Variants in HIBCH observed in about 807,000 individuals in gnomAD.
The protein encoded by HIBCH is 3-hydroxyisobutyryl-CoA hydrolase, also known as 3-hydroxyisobutyryl-CoA hydrolase, mitochondrial.
HIBCH carries 50 observed loss-of-function variants against 58.2 expected under a neutral mutation model. The ratio of observed to expected loss-of-function variants is 0.86; its 90% CI spans 0.68 to 1.09. HIBCH has a LOEUF of 1.09. HIBCH is among the 50% of genes least tolerant of loss of function. The pLI, the probability that HIBCH is intolerant of heterozygous loss-of-function variation, is 0.00. For missense variants in HIBCH, 450 were observed against 449.7 expected, an observed-to-expected ratio of 1.00 and a Z score of -0.01; for synonymous variants, 151 against 146.9, an observed-to-expected ratio of 1.03 and a Z score of -0.20.
At chr2:190,201,742 T>C (rs1215503737), downstream of HIBCH, 1 of 167,032 alleles carries the variant, frequency 6.0e-6, no homozygotes, top group South Asian at 2.1e-4. Flanking sequence ...TACTGTCCCA[T>C]TGTACTTGCA....
chr2:190,190,761 TA>T (rs1411706175), intron 1 of HIBCH, among the ~76,000 whole-genome samples: 7 of 152,228 alleles, frequency 4.6e-5, no homozygotes, highest in African/African-American at 1.7e-4. Flanking sequence ...ATTGTGGTTT[TA>T]AAAAATACCT....
At chr2:190,213,447 C>T (rs1271826921) in intron 11 of HIBCH, 10 of 226,666 alleles carry the variant, frequency 4.4e-5, no homozygotes, top group South Asian at 1.8e-4. Context: ...GGTCCATTTC[C>T]GGGACAAAGT....
At chr2:190,293,245 A>C (rs1688000785) in intron 4 of HIBCH, among the ~76,000 whole-genome samples, 1 of 152,004 alleles carries the variant, frequency 6.6e-6, no homozygotes, top group African/African-American at 2.4e-5. Flanking sequence ...TGAGATCAGG[A>C]GTTCAAGACC....
chr2:190,274,186 T>C (rs1440034829), intron 6 of HIBCH, among the ~76,000 whole-genome samples: 1 of 152,220 alleles, frequency 6.6e-6, no homozygotes, highest in Non-Finnish European at 1.5e-5. Flanking sequence ...TTTCTTAAAA[T>C]GTCTTCTATT....
At chr2:190,226,232 C>A (rs989478776) in intron 11 of HIBCH, among the ~76,000 whole-genome samples, 4 of 152,132 alleles carry the variant, frequency 2.6e-5, no homozygotes, top group South Asian at 2.1e-4. Flanking sequence ...CACTCCTATT[C>A]AACATAGTGT....
At chr2:190,257,731 C>A (rs1348791289) in intron 7 of HIBCH, among the ~76,000 whole-genome samples, 1 of 152,108 alleles carries the variant, frequency 6.6e-6, no homozygotes, top group Non-Finnish European at 1.5e-5. Context: ...CACACGAGGG[C>A]CTTCTTGGTG....
chr2:190,246,138 A>G lies in HIBCH; in HGVS notation c.809+16T>C, dbSNP rs754424144. On this transcript the variant is annotated intron_variant, in intron 10 of 13. Transcript: ENST00000359678. ...CTTTCTAAAGGAATATATAACTGAG[A>G]TCTCTTTTTAGGTACCTGTTTATTT... 2.8e-6 allele frequency: 4 copies of G among 1,438,608 alleles called. No individual in the cohort carries two copies. The highest frequency in any genetic ancestry group is 2.3e-5 in the East Asian group (1 of 43,856). 89.1% of individuals were successfully genotyped at this position (1,438,608 alleles called of 1,614,324 possible).
At chr2:190,266,118 ATAATG>A (rs900356432) in intron 6 of HIBCH, among the ~76,000 whole-genome samples, 4 of 152,182 alleles carry the variant, frequency 2.6e-5, no homozygotes, top group Non-Finnish European at 5.9e-5. Context: ...CTGGGGACAG[ATAATG>A]TATTCTGTAA....
In HIBCH at chr2:190,256,188, C is replaced by T. The variant is rs543853881; in HGVS notation, c.518-3881G>A. On this transcript the variant is annotated intron_variant, in intron 7 of 13. Coordinates refer to ENST00000359678, the MANE Select transcript of HIBCH (RefSeq NM_014362.4). ...GGACACATGGGGATTACGGGGATTA[C>T]AATTCAAGATGAGATTTGGGTGAGG... Among the ~76,000 whole-genome samples, 16 of 152,198 alleles carry T rather than the reference C, an allele frequency of 1.1e-4. No homozygotes were observed. The South Asian group carries it at 3.3e-3, about 32-fold the overall frequency.
chr2:190,290,748 A>G (rs142180979), intron 4 of HIBCH, among the ~76,000 whole-genome samples: 13 of 152,326 alleles, frequency 8.5e-5, no homozygotes, highest in African/African-American at 3.1e-4. Flanking sequence ...TAGGCTGGGC[A>G]TGGTGGCTCA....
intron 6 of HIBCH, among the ~76,000 whole-genome samples, chr2:190,268,354 T>C (rs1298922947): frequency 2.0e-5 from 3 of 152,224 alleles, no homozygotes; most frequent in East Asian, 1.9e-4. Flanking sequence ...CATCTTCACA[T>C]AGTAATACAA....
In HIBCH at chr2:190,246,063, A is replaced by G. The variant is rs75531497; in HGVS notation, c.809+91T>C. On this transcript the variant is annotated intron_variant, in intron 10 of 13. Transcript: ENST00000359678. ...AGAATTCAGTGCACTATCAAACACA[A>G]TGTAATTAAAATGGTAATTATAATG... The G allele has an allele frequency of 3.8e-3, 2,896 of 768,874 alleles. 65 individuals are homozygous for G. In the African/African-American group the frequency reaches 0.042, roughly 11 times the overall value. 47.6% of individuals were successfully genotyped at this position (768,874 alleles called of 1,614,324 possible).
intron 2 of HIBCH, among the ~76,000 whole-genome samples, chr2:190,301,862 C>T (rs1362458430): frequency 6.6e-6 from 1 of 152,146 alleles, no homozygotes; most frequent in African/African-American, 2.4e-5. Context: ...TCCCTTCAAC[C>T]TCTTTTATAA....
chr2:190,286,875 A>C (rs1183118289), intron 6 of HIBCH, among the ~76,000 whole-genome samples: 2 of 151,446 alleles, frequency 1.3e-5, no homozygotes, highest in East Asian at 1.9e-4. Context: ...AAAAAAAAAA[A>C]CTCAACATTC....
intron 6 of HIBCH, among the ~76,000 whole-genome samples, chr2:190,274,660 C>T (rs1438144030): frequency 6.6e-6 from 1 of 152,142 alleles, no homozygotes; most frequent in Non-Finnish European, 1.5e-5. Flanking sequence ...AACATGTATA[C>T]CTCATGTATA....
At chr2:190,200,299 A>G, downstream of HIBCH, 1 of 674,440 alleles carries the variant, frequency 1.5e-6, no homozygotes. Flanking sequence ...CTAGGATGAA[A>G]TGCATTTTAA....
chr2:190,297,563 T>G (rs2664256), intron 2 of HIBCH, among the ~76,000 whole-genome samples: 110,154 of 152,158 alleles, frequency 0.72, 40,362 homozygotes, highest in Non-Finnish European at 0.75. Flanking sequence ...TAATATGACA[T>G]ACTTAATAAT....
At chr2:190,239,488 C>T (rs746112968) in intron 11 of HIBCH, among the ~76,000 whole-genome samples, 1 of 152,054 alleles carries the variant, frequency 6.6e-6, no homozygotes, top group African/African-American at 2.4e-5. Context: ...TTTTCTAGAT[C>T]TGTGAAAAAA....
chr2:190,213,232 T>C (rs1690555895), intron 11 of HIBCH, 157 bp from the exon 12 acceptor site: 1 of 620,900 alleles, frequency 1.6e-6, no homozygotes, highest in Non-Finnish European at 2.8e-6. Context: ...AACAAAACTT[T>C]TCTAATCTGC....
Sources: gnomAD v4.1 joint callset for allele counts (sites outside exome capture counted in the v4.1 genomes callset) on GRCh38, gnomAD v4.1.1 for gene constraint, MANE v1.5 for transcripts, NCBI Gene and HGNC (gene_info 2026-07-23, HGNC 2026-07-21) for gene names.